The following ZMYM2 variants were observed in gnomAD, a reference collection of about 807,000 sequenced individuals.
ZMYM2 encodes zinc finger MYM-type containing 2.
ZMYM2 carries 56 observed loss-of-function variants against 162.8 expected under a neutral mutation model. The ratio of observed to expected loss-of-function variants is 0.34; its 90% CI spans 0.28 to 0.43. The LOEUF is 0.43. ZMYM2 is among the 20% of genes least tolerant of loss of function. The pLI, the probability that ZMYM2 is intolerant of heterozygous loss-of-function variation, is 1.00. For missense variants in ZMYM2, 1,275 were observed against 1,621.8 expected (o/e 0.79, Z 3.67); for synonymous variants, 510 against 541.6 (o/e 0.94, Z 0.81).
chr13:19,964,999 G>C (rs1479644756), intron 2 of ZMYM2, among the ~76,000 whole-genome samples: 3 of 151,882 alleles, frequency 2.0e-5, no homozygotes, highest in Non-Finnish European at 4.4e-5. Flanking sequence ...ACTTAAGTTA[G>C]TGGGTGCAGC....
At chr13:20,048,697 C>T (rs569455934) in intron 12 of ZMYM2, among the ~76,000 whole-genome samples, 17 of 151,842 alleles carry the variant, frequency 1.1e-4, no homozygotes, top group Middle Eastern at 3.4e-3. Flanking sequence ...TGACCTTTTG[C>T]CAGTTATTGA....
At chr13:20,081,908 A>G (rs1373562138) in intron 21 of ZMYM2, 108 bp from the exon 22 acceptor site, 4 of 608,632 alleles carry the variant, frequency 6.6e-6, no homozygotes, top group Non-Finnish European at 1.1e-5. Flanking sequence ...TGCATTTCAA[A>G]GACATAAAGC....
intron 2 of ZMYM2, among the ~76,000 whole-genome samples, chr13:19,984,701 A>T (rs1490369594): frequency 6.6e-6 from 1 of 152,222 alleles, no homozygotes; most frequent in Non-Finnish European, 1.5e-5. Flanking sequence ...TTTCTGGTTG[A>T]AACATTATTT....
At chr13:19,953,504 G>A in the ZMYM2 span, among the ~76,000 whole-genome samples, 3 of 151,924 alleles carry the variant, frequency 2.0e-5, no homozygotes, top group African/African-American at 7.3e-5. Flanking sequence ...CCAACATGGT[G>A]AAACCCTGTC....
At chr13:19,891,240 C>G in the ZMYM2 span, among the ~76,000 whole-genome samples, 4 of 151,994 alleles carry the variant, frequency 2.6e-5, no homozygotes, top group African/African-American at 9.7e-5. Context: ...CTTTCCCTTT[C>G]TTTGCATGCA....
chr13:19,956,686 AGCAGTATAGAGCT>A (rs1318568193), upstream of ZMYM2, among the ~76,000 whole-genome samples: 1 of 152,260 alleles, frequency 6.6e-6, no homozygotes, highest in Non-Finnish European at 1.5e-5. Flanking sequence ...GGGAATTAGT[AGCAGTATAGAGCT>A]CCAACTGAAC....
intron 10 of ZMYM2, among the ~76,000 whole-genome samples, chr13:20,032,599 CTTTTTTTTTTTTTTTT>C (rs57294389): frequency 7.6e-5 from 5 of 66,032 alleles, no homozygotes; most frequent in Middle Eastern, 0.013. Context: ...TTTTTTCTGT[CTTTTTTTTTTTTTTTT>C]TTTTTTTTTT....
chr13:19,947,707 T>A, the ZMYM2 span, among the ~76,000 whole-genome samples: 1 of 152,060 alleles, frequency 6.6e-6, no homozygotes, highest in Non-Finnish European at 1.5e-5. Context: ...TTGTCTCGAA[T>A]TGTCTCGAAT....
chr13:19,975,032 T>C (rs1010453328), intron 2 of ZMYM2, among the ~76,000 whole-genome samples: 12 of 149,712 alleles, frequency 8.0e-5, no homozygotes, highest in Non-Finnish European at 1.3e-4. Context: ...TTATTTTTTG[T>C]CATTTATTCT....
upstream of ZMYM2, among the ~76,000 whole-genome samples, chr13:19,955,393 A>C (rs1408099436): frequency 6.6e-6 from 1 of 152,152 alleles, no homozygotes; most frequent in East Asian, 1.9e-4. Flanking sequence ...TCTACATTTC[A>C]CACATGATGA....
At chr13:19,973,500 G>A (rs1031597949) in intron 2 of ZMYM2, among the ~76,000 whole-genome samples, 17 of 151,446 alleles carry the variant, frequency 1.1e-4, no homozygotes, top group African/African-American at 3.4e-4. Context: ...GTGAAACCCC[G>A]TTTCTACTGA....
intron 6 of ZMYM2, among the ~76,000 whole-genome samples, chr13:20,016,619 ATTCTTG>A (rs1951653567): frequency 6.6e-6 from 1 of 152,064 alleles, no homozygotes; most frequent in Non-Finnish European, 1.5e-5. Flanking sequence ...TGGACATAGT[ATTCTTG>A]TTTGAAAGCT....
chr13:19,975,549 C>T (rs1415014922), intron 2 of ZMYM2, among the ~76,000 whole-genome samples: 1 of 152,214 alleles, frequency 6.6e-6, no homozygotes, highest in Non-Finnish European at 1.5e-5. Context: ...TGTTTACCAA[C>T]ATTTTATTTA....
the ZMYM2 span, among the ~76,000 whole-genome samples, chr13:19,946,198 G>C: frequency 6.6e-6 from 1 of 152,126 alleles, no homozygotes; most frequent in Admixed American, 6.6e-5. Flanking sequence ...AGTGGCCAGG[G>C]TTATATGCTT....
intron 2 of ZMYM2, among the ~76,000 whole-genome samples, chr13:19,961,718 C>T (rs918646435): frequency 6.6e-6 from 1 of 152,212 alleles, no homozygotes; most frequent in Non-Finnish European, 1.5e-5. Flanking sequence ...AGCAGTGCTG[C>T]TTTTACGTAA....
chr13:19,914,338 C>A, the ZMYM2 span, among the ~76,000 whole-genome samples: 1 of 152,346 alleles, frequency 6.6e-6, no homozygotes, highest in African/African-American at 2.4e-5. Flanking sequence ...TCTCAAGCTA[C>A]TGCTGTTGTT....
At chr13:19,911,493 G>A in the ZMYM2 span, among the ~76,000 whole-genome samples, 2 of 152,226 alleles carry the variant, frequency 1.3e-5, no homozygotes, top group African/African-American at 4.8e-5. Flanking sequence ...AGCCTTTCCC[G>A]AAGGGACCTT....
chr13:20,007,578 T>G (rs1358171231), intron 6 of ZMYM2, among the ~76,000 whole-genome samples: 1 of 151,998 alleles, frequency 6.6e-6, no homozygotes, highest in Non-Finnish European at 1.5e-5. Flanking sequence ...AAGATCTTTT[T>G]GTTGTCTGTG....
upstream of ZMYM2, among the ~76,000 whole-genome samples, chr13:19,954,177 G>A (rs1954473086): frequency 9.3e-6 from 1 of 107,510 alleles, no homozygotes; most frequent in African/African-American, 3.3e-5. Flanking sequence ...CGCCCAGGCT[G>A]GAGTGCGGTG....
Sources: gnomAD v4.1 joint callset for allele counts (sites outside exome capture counted in the v4.1 genomes callset) on GRCh38, gnomAD v4.1.1 for gene constraint, MANE v1.5 for transcripts, NCBI Gene and HGNC (gene_info 2026-07-23, HGNC 2026-07-21) for gene names.